Variants in BCL6 observed in about 807,000 individuals in gnomAD.
BCL6 encodes B-cell lymphoma 6 protein.
Under a neutral mutation model 59.5 loss-of-function variants are expected in BCL6, and 7 were observed. The observed-to-expected ratio is 0.12, with a 90% CI of 0.07 to 0.22. BCL6 has a LOEUF of 0.22. BCL6 is among the 10% of genes least tolerant of loss of function. BCL6 has a pLI of 1.00. For missense variants in BCL6, 685 were observed against 939.4 expected, an observed-to-expected ratio of 0.73 and a Z score of 3.54; for synonymous variants, 339 against 349.7, an observed-to-expected ratio of 0.97 and a Z score of 0.34.
chr3:187,725,104 G>GTCT lies in BCL6; in HGVS notation c.1840-29_1840-27dup. 1 of 1,613,020 alleles carries GTCT rather than the reference G, an allele frequency of 6.2e-7. No homozygotes were observed. The highest frequency in any genetic ancestry group is 8.5e-7 in the Non-Finnish European group (1 of 1,179,862). ...CTGAACGAAGAAGAAGGCATGAGAG[G>GTCT]TCTTCTGGGGTGGGCTGCAGGCCTC... On this transcript the variant is annotated intron_variant, in intron 8 of 9. Coordinates refer to ENST00000406870, the MANE Select transcript of BCL6 (RefSeq NM_001706.5). The surrounding 1 kb of genome is among the most constrained non-coding windows in gnomAD (Gnocchi z 4.7).
intron 5 of BCL6, 133 bp from the exon 6 acceptor site, chr3:187,728,677 C>T (rs1232902297): frequency 2.2e-6 from 2 of 893,232 alleles, no homozygotes; most frequent in African/African-American, 3.4e-5. Context: ...CAGAGTTGTC[C>T]TCAAGTTTAT....
intron 1 of BCL6, among the ~76,000 whole-genome samples, chr3:187,744,945 G>T (rs1711847012): frequency 6.6e-6 from 1 of 152,228 alleles, no homozygotes; most frequent in Admixed American, 6.5e-5. Context: ...GCGGTCTGGG[G>T]CCAGACAGCC....
rs1238920334 is a variant in BCL6 at position 187,728,531 on chromosome 3, A to G, written c.1369T>C (p.Ser457Pro). Residue 457 changes from serine to proline, a missense_variant, in exon 6 of 10, where the codon TCT becomes CCT. This residue lies in a region of BCL6 where 207 missense variants were observed against 213.7 expected (regional missense o/e 0.97). Transcript: ENST00000406870. ...NNIVNRSMTG[S>P]PRSSSESHSP... ...TGGCTCTCGCTGCTGCTGCGGGGAG[A>G]GCCCGTCATGGACCTATGGACAGGA... The G allele has an allele frequency of 6.2e-7, 1 of 1,608,354 alleles. No homozygotes were observed. The highest frequency in any genetic ancestry group is 1.3e-5 in the African/African-American group (1 of 74,428).
At chr3:187,744,189 C>G (rs1711756607) in intron 1 of BCL6, among the ~76,000 whole-genome samples, 1 of 152,194 alleles carries the variant, frequency 6.6e-6, no homozygotes, top group African/African-American at 2.4e-5. Context: ...CAGAGTCACG[C>G]AGCGCCCAAA....
At chr3:187,745,281 G>A (rs1405368518) in intron 1 of BCL6, 129 bp downstream of exon 1, 4 of 398,410 alleles carry the variant, frequency 1.0e-5, no homozygotes, top group Non-Finnish European at 1.8e-5. Context: ...CATTTGGCAA[G>A]AGCGGAAAAA....
Position 187,726,845 on chromosome 3 carries a change from A to C in BCL6, c.1594T>G (p.Ser532Ala), listed in dbSNP as rs746130585. The C allele has an allele frequency of 1.2e-6, 2 of 1,614,210 alleles. No individual in the cohort carries two copies. The highest frequency in any genetic ancestry group is 1.7e-6 in the Non-Finnish European group (2 of 1,180,034). ...ECDCRFSEEA[S>A]LKRHTLQTHS... Reference sequence around the variant, plus strand: ...GTCTGCAGCGTGTGCCTCTTGAGTGAGGCCTCCTCAGAGAAGCGGCAGTCA... The same window carrying C: ...GTCTGCAGCGTGTGCCTCTTGAGTGCGGCCTCCTCAGAGAAGCGGCAGTCA... The change falls in exon 7 of 10, where the codon TCA (serine) becomes GCA (alanine). Residue 532 changes from serine to alanine, a missense_variant. Around this residue, in one of 7 missense-constraint regions of BCL6, gnomAD observed 207 missense variants for 213.7 expected, o/e 0.97. Coordinates refer to ENST00000406870, the MANE Select transcript of BCL6 (RefSeq NM_001706.5).
At chr3:187,740,634 T>C (rs1367686074) in intron 1 of BCL6, among the ~76,000 whole-genome samples, 1 of 152,166 alleles carries the variant, frequency 6.6e-6, no homozygotes, top group Non-Finnish European at 1.5e-5. Flanking sequence ...AATCTGGTCC[T>C]GGTTAAGTCA....
chr3:187,733,423 G>T, intron 3 of BCL6, 110 bp downstream of exon 3: 1 of 1,303,970 alleles, frequency 7.7e-7, no homozygotes, highest in African/African-American at 1.5e-5. Flanking sequence ...TGGAGACAAA[G>T]CGAGACGTCA....
chr3:187,744,382 G>C (rs1711774153), intron 1 of BCL6, among the ~76,000 whole-genome samples: 1 of 151,880 alleles, frequency 6.6e-6, no homozygotes, highest in South Asian at 2.1e-4. Context: ...TGAGCAGGGA[G>C]AGCGCGCGGA....
intron 1 of BCL6, chr3:187,737,503 A>T (rs963421979): frequency 1.3e-5 from 2 of 152,370 alleles, no homozygotes; most frequent in Non-Finnish European, 2.9e-5. Context: ...AGAAAGCCCC[A>T]TTTTCTCGCT....
intron 1 of BCL6, 136 bp downstream of exon 1, chr3:187,745,274 T>G (rs1711894042): frequency 2.5e-6 from 1 of 398,366 alleles, no homozygotes; most frequent in African/African-American, 2.1e-5. Flanking sequence ...GCCAAAGCAT[T>G]TGGCAAGAGC....
At chr3:187,743,934 C>T (rs1315103757) in intron 1 of BCL6, among the ~76,000 whole-genome samples, 4 of 152,282 alleles carry the variant, frequency 2.6e-5, no homozygotes, top group South Asian at 2.1e-4. Context: ...GCGCCCGCTC[C>T]TCCCGCGCCG....
chr3:187,733,974 A>G, intron 2 of BCL6: 1 of 454,002 alleles, frequency 2.2e-6, no homozygotes, highest in Non-Finnish European at 4.1e-6. Context: ...TTTCCCACAT[A>G]CCAAATACTC....
chr3:187,744,555 A>T (rs1711792081), intron 1 of BCL6, among the ~76,000 whole-genome samples: 2 of 152,298 alleles, frequency 1.3e-5, no homozygotes, highest in Admixed American at 6.5e-5. Context: ...ACGATACTTC[A>T]TCTCATCTGG....
At chr3:187,731,225 A>G (rs1224208051) in intron 4 of BCL6, among the ~76,000 whole-genome samples, 3 of 152,208 alleles carry the variant, frequency 2.0e-5, no homozygotes, top group Non-Finnish European at 4.4e-5. Flanking sequence ...TAGCCCCTAT[A>G]ACCTTGAGTA....
Position 187,733,550 on chromosome 3 carries a change from C to G in BCL6, c.144G>C (p.Thr48=), listed in dbSNP as rs77460397. 1.9e-6 allele frequency: 3 copies of G among 1,613,832 alleles called. No homozygotes were observed. Among genetic ancestry groups the G allele is most frequent in the Non-Finnish European group, 2.5e-6 (3 of 1,179,874 alleles). The change falls in exon 3 of 10, where the codon ACG becomes ACC. Residue 48 remains threonine (T), a synonymous_variant. Transcript: ENST00000406870. ...VSREQFRAHK[T]VLMACSGLFY... ...TCCCTCACCTGCAGGCCATGAGGACCGTTTTATGGGCTCTAAACTGCTCAC... is the reference window on the plus strand; with the variant it reads ...TCCCTCACCTGCAGGCCATGAGGACGGTTTTATGGGCTCTAAACTGCTCAC...
At chr3:187,724,311 A>G (rs1410536378) in intron 9 of BCL6, among the ~76,000 whole-genome samples, 1 of 152,180 alleles carries the variant, frequency 6.6e-6, no homozygotes. Context: ...TGTAAAAACC[A>G]TTCCTAGTTC....
At chr3:187,737,386 AGAGAGAG>A (rs1719338704) in intron 1 of BCL6, 4 of 148,702 alleles carry the variant, frequency 2.7e-5, no homozygotes, top group African/African-American at 2.5e-5. Context: ...AGAGAGAGAG[AGAGAGAG>A]AGAAAATGAG....
In BCL6 at chr3:187,729,771, C is replaced by T. The variant is rs767911394; in HGVS notation, c.634G>A (p.Glu212Lys). The T allele has an allele frequency of 1.1e-5, 17 of 1,614,176 alleles. No homozygotes were observed. Among genetic ancestry groups the T allele is most frequent in the Non-Finnish European group, 1.4e-5 (17 of 1,180,024 alleles). Residue 212 changes from glutamate to lysine, a missense_variant, in exon 5 of 10, where the codon GAG (glutamate) becomes AAG (lysine). Glu to Lys is a moderately conservative substitution (Grantham distance 56). Transcript: ENST00000406870. The surrounding 1 kb of genome is among the most constrained non-coding windows in gnomAD (Gnocchi z 5.6). ...PVSSLLFSDE[E>K]FRDVRMPVAN... ...ACAGGCATCCGGACATCCCGAAACT[C>T]CTCATCGGAGAAGAGGAGGCTGCTG...
Sources: gnomAD v4.1 joint callset for allele counts (sites outside exome capture counted in the v4.1 genomes callset) on GRCh38, gnomAD v4.1.1 for gene constraint, gnomAD v4.1.1 regional missense constraint, Gnocchi (gnomAD v3.1) non-coding constraint, MANE v1.5 for transcripts, NCBI Gene and HGNC (gene_info 2026-07-23, HGNC 2026-07-21) for gene names.